CARF: variants seen among roughly 807,000 people sequenced by gnomAD.
CARF encodes the protein calcium-responsive transcription factor.
A neutral mutation model predicts 82.0 loss-of-function variants in CARF; 57 were observed. The observed-to-expected ratio is 0.70, with a 90% CI of 0.56 to 0.87. The LOEUF (loss-of-function observed/expected upper bound fraction) is 0.87. Among genes scored for constraint, CARF ranks in the 40% least tolerant of loss-of-function variants. The probability of loss-of-function intolerance (pLI) is 0.00; values close to 1 mark genes in which losing one functional copy is unlikely to be tolerated. For synonymous variants in CARF, 268 were observed against 290.1 expected, an observed-to-expected ratio of 0.92 and a Z score of 0.77; for missense variants, 771 against 855.8, an observed-to-expected ratio of 0.90 and a Z score of 1.24.
chr2:202,958,157 C>A (rs533698795), intron 8 of CARF, among the ~76,000 whole-genome samples: 70 of 151,786 alleles, frequency 4.6e-4, no homozygotes, highest in African/African-American at 1.6e-3. Flanking sequence ...GAGAAAATTT[C>A]TCATAAAAAA....
chr2:202,941,910 A>G lies in CARF; in HGVS notation c.8A>G (p.Gln3Arg). Residue 3 changes from glutamine (Q) to arginine (R), a missense_variant, in exon 4 of 17, where the codon CAA (glutamine) becomes CGA (arginine). Physicochemically the swap from Gln to Arg is conservative, Grantham distance 43. Coordinates refer to ENST00000438828, the MANE Select transcript of CARF (RefSeq NM_024744.17). Reference protein sequence around the residue: MEQSNDSLRVNHN... With the variant: MERSNDSLRVNHN... ...ATTGAATATGATGTCAGCATGGAAC[A>G]ATCTAATGATTCATTAAGAGTCAAC... 1 of 1,612,530 alleles carries G rather than the reference A, an allele frequency of 6.2e-7. No homozygotes were observed. Among genetic ancestry groups the G allele is most frequent in the Non-Finnish European group, 8.5e-7 (1 of 1,178,834 alleles).
Position 202,982,367 on chromosome 2 carries a change from G to C in CARF, c.1985G>C (p.Gly662Ala). ...GDVEDTGNLEGTVHRILLGDV... is the reference protein window; with the variant it reads ...GDVEDTGNLEATVHRILLGDV... ...GTTGAGGATACAGGGAATCTGGAAG[G>C]AACTGTTCATCGGATTCTGTTGGGA... The change falls in exon 16 of 17, where the codon GGA (glycine) becomes GCA (alanine). Residue 662 changes from glycine to alanine, a missense_variant. By Grantham distance (60) the Gly-to-Ala change is moderately conservative. Coordinates refer to ENST00000438828, the MANE Select transcript of CARF (RefSeq NM_024744.17). 6.2e-7 allele frequency: 1 copy of C among 1,614,110 alleles called. No individual in the cohort carries two copies. Among genetic ancestry groups the C allele is most frequent in the East Asian group, 2.2e-5 (1 of 44,876 alleles).
chr2:202,925,312 C>G (rs903117326), intron 3 of CARF: 2 of 350,574 alleles, frequency 5.7e-6, no homozygotes, highest in Admixed American at 6.4e-5. Flanking sequence ...CTTCCTCATT[C>G]AGCTGTATGA....
chr2:202,912,354 C>T lies in CARF; in HGVS notation c.-1078C>T, dbSNP rs1314662071. On this transcript the variant is annotated 5_prime_UTR_variant, in exon 1 of 17. Transcript: ENST00000438828. ...AGTAGACTCGTTTTGAATTTTCTCCCCTCTGCTCCGGCGGACTTCCCATGT... is the reference window on the plus strand; with the variant it reads ...AGTAGACTCGTTTTGAATTTTCTCCTCTCTGCTCCGGCGGACTTCCCATGT... 2 of 151,958 alleles carry T rather than the reference C, an allele frequency of 1.3e-5. No individual in the cohort carries two copies. Among genetic ancestry groups the T allele is most frequent in the South Asian group, 2.1e-4 (1 of 4,814 alleles). The allele number at this position is 151,958 out of a possible 1,614,324, so 9.4% of individuals were successfully genotyped here.
intron 1 of CARF, among the ~76,000 whole-genome samples, chr2:202,915,109 C>A (rs574121079): frequency 6.6e-6 from 1 of 152,026 alleles, no homozygotes; most frequent in South Asian, 2.1e-4. Context: ...CTCCGCCTTC[C>A]AGGTTGAAGC....
rs566211158 is a variant in CARF at position 202,912,715 on chromosome 2, G to A, written c.-717G>A. 9.1e-4 allele frequency: 138 copies of A among 151,332 alleles called. 1 individual carries two copies. The highest frequency in any genetic ancestry group is 3.2e-3 in the African/African-American group (131 of 41,392). The allele number at this position is 151,332 out of a possible 1,614,324, so 9.4% of individuals were successfully genotyped here. A position where few individuals can be genotyped will look rare whatever the true frequency, so the allele number is the denominator to read the frequency against. ...GTTAGGTGTCTTCAGGAGGGTTGCTGAGCCCAAGGACGCGCCATCGCCGCG... is the reference window on the plus strand; with the variant it reads ...GTTAGGTGTCTTCAGGAGGGTTGCTAAGCCCAAGGACGCGCCATCGCCGCG... On this transcript the variant is annotated 5_prime_UTR_variant, in exon 1 of 17. Coordinates refer to ENST00000438828, the MANE Select transcript of CARF (RefSeq NM_024744.17).
rs1033780365 is a variant in CARF at position 202,987,250 on chromosome 2, C to G, written c.*3626C>G. On this transcript the variant is annotated 3_prime_UTR_variant, in exon 17 of 17. Transcript: ENST00000438828. ...ATTCTCCACGCCCACCCACCCCCAG[C>G]CCCCCGATGTTTTGGCACCATGACA... Among the ~76,000 whole-genome samples, 2 of 147,636 alleles carry G rather than the reference C, an allele frequency of 1.4e-5. No individual in the cohort carries two copies. Among genetic ancestry groups the G allele is most frequent in the African/African-American group, 5.0e-5 (2 of 39,886 alleles).
chr2:202,964,883 G>GTATATATATATA (rs150006525), intron 9 of CARF, among the ~76,000 whole-genome samples: 1 of 144,940 alleles, frequency 6.9e-6, no homozygotes, highest in Non-Finnish European at 1.5e-5. Flanking sequence ...ACATATATGT[G>GTATATATATATA]TATATATATA....
At position 202,917,236 on chromosome 2, in the gene CARF, AGC is replaced by A. The variant is rs1454099126; in HGVS notation, c.-329-638_-329-637del. On this transcript the variant is annotated intron_variant, in intron 1 of 16. Transcript: ENST00000438828. ...AAAAAAAAAAAAAAAAAAAAAAAAA[AGC>A]GCTGAGCTGCTAATTTTACAGATGC... Among the ~76,000 whole-genome samples the A allele has an allele frequency of 2.2e-3, 327 of 150,058 alleles. 3 individuals are homozygous for A. The highest frequency in any genetic ancestry group is 7.5e-3 in the African/African-American group (306 of 41,022).
intron 8 of CARF, among the ~76,000 whole-genome samples, chr2:202,960,298 G>A (rs2059248646): frequency 1.3e-5 from 2 of 151,666 alleles, no homozygotes; most frequent in African/African-American, 4.8e-5. Context: ...TGCCCAGGCT[G>A]GAGCGCAATG....
rs71034206 is a variant in CARF, at chr2:202,958,249, A to ATG, written c.642+2521_642+2522dup. On this transcript the variant is annotated intron_variant, in intron 8 of 16. Transcript: ENST00000438828. ...AGAGTACATGTATGTATATACATAT[A>ATG]TGTGTGTGTGTGTGTGTGTGTGTGT... Among the ~76,000 whole-genome samples, 235 of 140,038 alleles carry ATG rather than the reference A, an allele frequency of 1.7e-3. 2 individuals are homozygous for ATG. Among genetic ancestry groups the ATG allele is most frequent in the Middle Eastern group, 0.011 (3 of 268 alleles). 91.9% of individuals were successfully genotyped at this position (140,038 alleles called of 152,430 possible).
At chr2:202,945,241 G>T (rs987233027) in intron 5 of CARF, among the ~76,000 whole-genome samples, 3 of 152,116 alleles carry the variant, frequency 2.0e-5, no homozygotes, top group African/African-American at 7.2e-5. Flanking sequence ...GTACCTGCAC[G>T]TGCTACAGTA....
rs1553584458 is a variant in CARF at position 202,986,873 on chromosome 2, T to TAC, written c.*3250_*3251insCA. The TAC allele has an allele frequency of 1.0e-4, 7 of 69,160 alleles. No individual in the cohort carries two copies. Among genetic ancestry groups the TAC allele is most frequent in the Non-Finnish European group, 1.9e-4 (6 of 32,162 alleles). The allele number at this position is 69,160 out of a possible 1,614,324, so 4.3% of individuals were successfully genotyped here. A position where few individuals can be genotyped will look rare whatever the true frequency, so the allele number is the denominator to read the frequency against. Reference sequence around the variant, plus strand: ...GGTTTAAAAAATGTCTGTGCGTATATATATATATATATATATATATATATA... The same window carrying TAC: ...GGTTTAAAAAATGTCTGTGCGTATATACATATATATATATATATATATATATA... On this transcript the variant is annotated 3_prime_UTR_variant, in exon 17 of 17. Transcript: ENST00000438828.
intron 2 of CARF, among the ~76,000 whole-genome samples, chr2:202,921,958 T>C (rs1022104965): frequency 6.6e-6 from 1 of 151,650 alleles, no homozygotes; most frequent in African/African-American, 2.4e-5. Context: ...CCCAAGAAGC[T>C]ATGGGGACTA....
intron 2 of CARF, among the ~76,000 whole-genome samples, chr2:202,923,570 A>G (rs1297500788): frequency 1.3e-5 from 2 of 152,238 alleles, no homozygotes; most frequent in Non-Finnish European, 2.9e-5. Context: ...TAGAAATTCA[A>G]TGCAATTCCC....
At position 202,981,645 on chromosome 2, in the gene CARF, C is replaced by A. The variant is rs1377574507; in HGVS notation, c.1649C>A (p.Ser550Ter). 1.9e-6 allele frequency: 3 copies of A among 1,612,112 alleles called. No homozygotes were observed. Among genetic ancestry groups the A allele is most frequent in the Admixed American group, 3.3e-5 (2 of 59,972 alleles). ...LSPEPTHLLS[S>*]LSSFQPKIFT... ...CCTGAGCCAACCCACTTGCTCTCCT[C>A]ACTCTCCTCATTTCAGCCCAAAATA... The change falls in exon 15 of 17, where the codon TCA becomes TAA. Residue 550 changes from serine to a stop codon, truncating the protein, a stop_gained. Coordinates refer to ENST00000438828, the MANE Select transcript of CARF (RefSeq NM_024744.17). LOFTEE classifies it high-confidence loss of function.
chr2:202,975,608 C>T (rs948015017), intron 13 of CARF, among the ~76,000 whole-genome samples: 3 of 151,032 alleles, frequency 2.0e-5, no homozygotes, highest in Non-Finnish European at 3.0e-5. Context: ...ATCTGAAAAA[C>T]AACAACAAAA....
intron 9 of CARF, among the ~76,000 whole-genome samples, chr2:202,964,160 T>C (rs2059440096): frequency 6.6e-6 from 1 of 152,228 alleles, no homozygotes; most frequent in African/African-American, 2.4e-5. Flanking sequence ...TTCAGATTTG[T>C]ACATAAGGGT....
At chr2:202,968,271 G>A (rs867252855) in intron 10 of CARF, among the ~76,000 whole-genome samples, 3 of 152,002 alleles carry the variant, frequency 2.0e-5, no homozygotes, top group African/African-American at 4.8e-5. Flanking sequence ...CCGTGGTGGC[G>A]GGCCCCTGTA....
Sources: allele counts gnomAD v4.1 joint callset (sites outside exome capture counted in the v4.1 genomes callset), GRCh38; gene constraint gnomAD v4.1.1; transcripts MANE v1.5; gene names NCBI Gene and HGNC (gene_info 2026-07-23, HGNC 2026-07-21).